Variants in NCOR2 observed in about 807,000 individuals in gnomAD.
The protein encoded by NCOR2 is nuclear receptor corepressor 2, also known as CTG repeat protein 26.
Under a neutral mutation model 262.9 loss-of-function variants are expected in NCOR2, and 81 were observed. The ratio of observed to expected loss-of-function variants is 0.31; its 90% CI spans 0.26 to 0.37. NCOR2 has a LOEUF of 0.37. Among genes scored for constraint, NCOR2 ranks in the 10% least tolerant of loss-of-function variants. The pLI is 1.00. For missense variants in NCOR2, 3,385 were observed against 3,621.4 expected, an observed-to-expected ratio of 0.93 and a Z score of 1.68; for synonymous variants, 1,659 against 1,559.3, an observed-to-expected ratio of 1.06 and a Z score of -1.51.
chr12:124,348,033 G>T, intron 29 of NCOR2, 122 bp from the exon 32 acceptor site: 13 of 1,458,112 alleles, frequency 8.9e-6, no homozygotes, highest in Non-Finnish European at 1.2e-5. Context: ...GTAGGACCCA[G>T]CACGGGAAGG....
In NCOR2 at chr12:124,380,509, G is replaced by A. The variant is rs2040330118; in HGVS notation, c.2020-2125C>T. ...ACGTCCTGGGCCCAGTCCCAGCCCTGCCCCGAATCCTGAGCCTCTCCCAGG... is the reference window on the plus strand; with the variant it reads ...ACGTCCTGGGCCCAGTCCCAGCCCTACCCCGAATCCTGAGCCTCTCCCAGG... On this transcript the variant is annotated intron_variant, in intron 17 of 46. Transcript: ENST00000405201. Among the ~76,000 whole-genome samples, 3 of 152,330 alleles carry A rather than the reference G, an allele frequency of 2.0e-5. No individual in the cohort carries two copies. The South Asian group carries it at 6.2e-4, about 32-fold the overall frequency.
intron 1 of NCOR2, among the ~76,000 whole-genome samples, chr12:124,546,495 G>A (rs1216278282): frequency 2.0e-5 from 3 of 152,010 alleles, no homozygotes; most frequent in Non-Finnish European, 2.9e-5. Flanking sequence ...TGCAGCCTCC[G>A]CCTCCACCTC....
chr12:124,325,086 C>G (rs2034519640), exon 47 of NCOR2: 1 of 244,980 alleles, frequency 4.1e-6, no homozygotes, highest in East Asian at 7.2e-5. Flanking sequence ...CTTTGGGTCC[C>G]TGGCCGCCCT....
At chr12:124,338,567 CT>C in intron 37 of NCOR2, among the ~76,000 whole-genome samples, 1 of 151,976 alleles carries the variant, frequency 6.6e-6, no homozygotes, top group African/African-American at 2.4e-5. Context: ...CCCCACCCCC[CT>C]GGTGAAGCAG....
At chr12:124,479,625 T>G (rs781320230) in intron 3 of NCOR2, among the ~76,000 whole-genome samples, 2 of 152,212 alleles carry the variant, frequency 1.3e-5, no homozygotes, top group African/African-American at 4.8e-5. Context: ...CAGGCCCCAC[T>G]TCAGGGGAGT....
intron 37 of NCOR2, 39 bp downstream of exon 39, chr12:124,339,966 TC>T: frequency 3.0e-6 from 4 of 1,336,348 alleles, no homozygotes; most frequent in Non-Finnish European, 3.9e-6. Flanking sequence ...TGACCACCCA[TC>T]CACCTGCCCG....
chr12:124,355,520 C>A lies in NCOR2; in HGVS notation c.3293G>T (p.Arg1098Leu), dbSNP rs375804883. ...AGGCGGGTTGGAGATGGTGGGTGGGCGCGGCAGGACGGGCCGGGCAGTGTC... is the reference window on the plus strand; with the variant it reads ...AGGCGGGTTGGAGATGGTGGGTGGGAGCGGCAGGACGGGCCGGGCAGTGTC... Residue 1098 changes from arginine to leucine, a missense_variant, in exon 24 of 47, where the codon CGC becomes CTC. Around this residue, in one of 5 missense-constraint regions of NCOR2, gnomAD observed 1,615 missense variants for 1,626.9 expected, o/e 0.99. Coordinates refer to ENST00000405201, the Ensembl canonical transcript of NCOR2. 46 of 1,602,448 alleles carry A rather than the reference C, an allele frequency of 2.9e-5. No individual in the cohort carries two copies. Among genetic ancestry groups the A allele is most frequent in the Non-Finnish European group, 3.8e-5 (45 of 1,175,326 alleles).
intron 18 of NCOR2, among the ~76,000 whole-genome samples, chr12:124,374,678 C>T (rs1249227105): frequency 6.6e-6 from 1 of 152,246 alleles, no homozygotes; most frequent in Non-Finnish European, 1.5e-5. Context: ...CTGCAATAGC[C>T]CTGAGCAGGC....
chr12:124,510,032 A>G (rs1303136783), intron 1 of NCOR2, among the ~76,000 whole-genome samples: 1 of 152,180 alleles, frequency 6.6e-6, no homozygotes, highest in Non-Finnish European at 1.5e-5. Context: ...GCCAGAAAAA[A>G]GAGGCATTGT....
chr12:124,344,556 C>T (rs1478292769), intron 32 of NCOR2, 41 bp downstream of exon 34: 3 of 1,409,772 alleles, frequency 2.1e-6, no homozygotes, highest in Admixed American at 2.9e-5. Context: ...CTTCTCCAGA[C>T]AGGCGCCCAC....
Position 124,566,760 on chromosome 12 carries a change from C to A in NCOR2, c.-165+548G>T, listed in dbSNP as rs532074392. Among the ~76,000 whole-genome samples the A allele has an allele frequency of 2.2e-4, 33 of 152,266 alleles. No individual in the cohort carries two copies. The South Asian group carries it at 6.2e-3, about 29-fold the overall frequency. On this transcript the variant is annotated intron_variant, in intron 1 of 32. Transcript: ENST00000458234. This position sits in a 1 kb window ranked among gnomAD's most constrained non-coding sequence, Gnocchi z 4.3. ...ACCAGGGGCGACTCTCCCGAGGGAC[C>A]CCGCCCAGCGCCCCGTGGCCCCACG...
rs540852172 is a variant in NCOR2 at position 124,389,044 on chromosome 12, G to A, written c.1877-3157C>T. Among the ~76,000 whole-genome samples, 110 of 152,348 alleles carry A rather than the reference G, an allele frequency of 7.2e-4. No homozygotes were observed. The highest frequency in any genetic ancestry group is 3.4e-3 in the Middle Eastern group (1 of 294). ...ACGCCGTCCCCAAGCCGCTGTGGGC[G>A]CGCGAGGTGCCCTTCCCCGAGGGTG... On this transcript the variant is annotated intron_variant, in intron 16 of 46. Transcript: ENST00000405201. The surrounding 1 kb of genome is among the most constrained non-coding windows in gnomAD (Gnocchi z 4.4).
chr12:124,475,813 C>G lies in NCOR2; in HGVS notation c.412-2682G>C, dbSNP rs377042069. ...TGCTTGAAGGGGGAGGCTGCAGGGG[C>G]TCCCACGTCAGAAATGGCCACACAT... On this transcript the variant is annotated intron_variant, in intron 3 of 46. Coordinates refer to ENST00000405201, the Ensembl canonical transcript of NCOR2. 2.6e-5 allele frequency among the ~76,000 whole-genome samples: 4 copies of G among 152,324 alleles called. No homozygotes were observed. The East Asian group carries it at 5.8e-4, about 22-fold the overall frequency.
At chr12:124,337,057 C>T (rs1042436031) in exon 38 of NCOR2, 45 of 1,491,820 alleles carry the variant, frequency 3.0e-5, no homozygotes, top group Admixed American at 1.4e-4. Context: ...GGGGGGCCTC[C>T]TTGGGCAGCA....
intron 16 of NCOR2, 34 bp from the exon 19 acceptor site, chr12:124,385,921 C>T (rs1188225523): frequency 1.2e-6 from 2 of 1,602,438 alleles, no homozygotes; most frequent in South Asian, 1.1e-5. Flanking sequence ...GAGAAGAGGC[C>T]AGGCCCGGCA....
At chr12:124,519,848 CACAG>C (rs1233763328) in intron 1 of NCOR2, among the ~76,000 whole-genome samples, 14 of 151,822 alleles carry the variant, frequency 9.2e-5, no homozygotes, top group Non-Finnish European at 1.6e-4. Context: ...AGCCGCCACA[CACAG>C]ACAGAGCAGG....
chr12:124,461,467 C>G (rs1293191388), intron 5 of NCOR2, among the ~76,000 whole-genome samples: 1 of 152,242 alleles, frequency 6.6e-6, no homozygotes, highest in Non-Finnish European at 1.5e-5. Context: ...GGCCAGGCCT[C>G]CCATGCCCAA....
rs181374144 is a variant in NCOR2, at chr12:124,432,996, G to C, written c.883-2209C>G. 2.6e-5 allele frequency among the ~76,000 whole-genome samples: 4 copies of C among 152,114 alleles called. No homozygotes were observed. In the East Asian group the frequency reaches 5.8e-4, roughly 22 times the overall value. On this transcript the variant is annotated intron_variant, in intron 8 of 46. Transcript: ENST00000405201. This position sits in a 1 kb window ranked among gnomAD's most constrained non-coding sequence, Gnocchi z 5.1. ...TCCACAAACACCCACTTGGTGCTTC[G>C]GTACAGTCAGAAAGCCCCTCTCTGG... is the stretch of plus-strand genomic sequence containing the variant.
At chr12:124,416,674 A>T (rs1363794845) in intron 13 of NCOR2, among the ~76,000 whole-genome samples, 2 of 145,964 alleles carry the variant, frequency 1.4e-5, no homozygotes, top group Non-Finnish European at 3.0e-5. Flanking sequence ...CAGCACAGGG[A>T]GACCCGCGAC....
Sources: gnomAD v4.1 joint callset for allele counts (sites outside exome capture counted in the v4.1 genomes callset) on GRCh38, gnomAD v4.1.1 for gene constraint, gnomAD v4.1.1 regional missense constraint, Gnocchi (gnomAD v3.1) non-coding constraint, MANE v1.5 for transcripts, NCBI Gene and HGNC (gene_info 2026-07-23, HGNC 2026-07-21) for gene names.